SNTG2: variants seen among roughly 807,000 people sequenced by gnomAD.
SNTG2 encodes gamma-2-syntrophin.
In SNTG2, 74 loss-of-function variants were observed where a neutral mutation model predicts 70.9. The observed-to-expected ratio is 1.04, with a 90% CI of 0.86 to 1.27. The LOEUF (loss-of-function observed/expected upper bound fraction) is 1.27. Among genes scored for constraint, SNTG2 ranks in the 50% most tolerant of loss-of-function variants. The pLI is 0.00. For missense variants in SNTG2, 717 were observed against 690.7 expected (o/e 1.04, Z -0.43); for synonymous variants, 278 against 273.8 (o/e 1.02, Z -0.15).
intron 1 of SNTG2, among the ~76,000 whole-genome samples, chr2:1,047,021 T>C (rs4350782): frequency 0.15 from 22,315 of 152,192 alleles, 2,181 homozygotes; most frequent in African/African-American, 0.27. Context: ...TGTCTCTTTA[T>C]GTAGTCTCAT....
intron 14 of SNTG2, among the ~76,000 whole-genome samples, chr2:1,281,849 C>T (rs1012014452): frequency 2.0e-5 from 3 of 152,112 alleles, no homozygotes; most frequent in African/African-American, 4.8e-5. Context: ...GCACAAGCAC[C>T]CCACACATCT....
chr2:1,147,369 C>T (rs114332005), intron 6 of SNTG2, among the ~76,000 whole-genome samples: 1 of 152,104 alleles, frequency 6.6e-6, no homozygotes, highest in Non-Finnish European at 1.5e-5. Context: ...TGGGTGAGCA[C>T]CATCTCATCA....
In SNTG2 at chr2:1,149,470, C is replaced by T. The variant is rs867191764; in HGVS notation, c.411+11661C>T. Among the ~76,000 whole-genome samples, 5 of 152,188 alleles carry T rather than the reference C, an allele frequency of 3.3e-5. No individual in the cohort carries two copies. In the East Asian group the frequency reaches 9.7e-4, roughly 29 times the overall value. ...ATTAAAACTCTACTCAGGGTTTTGC[C>T]GCTTATTTTCGTCCATGAGCATATT... is the stretch of plus-strand genomic sequence containing the variant. On this transcript the variant is annotated intron_variant, in intron 6 of 16. Transcript: ENST00000308624.
intron 16 of SNTG2, 48 bp downstream of exon 16, chr2:1,316,423 G>C: frequency 1.0e-6 from 1 of 990,336 alleles, no homozygotes; most frequent in Non-Finnish European, 1.5e-6. Flanking sequence ...CACACATAAA[G>C]TACAGCTCAG....
At chr2:1,063,636 T>A (rs537448355) in intron 1 of SNTG2, among the ~76,000 whole-genome samples, 1 of 152,294 alleles carries the variant, frequency 6.6e-6, no homozygotes, top group South Asian at 2.1e-4. Flanking sequence ...GCAGAAAGGT[T>A]ATTAATGAAA....
chr2:1,339,856 C>G (rs946792513), intron 16 of SNTG2, among the ~76,000 whole-genome samples: 1 of 152,228 alleles, frequency 6.6e-6, no homozygotes, highest in Non-Finnish European at 1.5e-5. Context: ...GGGCAGCACC[C>G]CCTGTCCCTA....
intron 11 of SNTG2, among the ~76,000 whole-genome samples, chr2:1,242,153 T>G (rs1164030710): frequency 6.6e-6 from 1 of 152,170 alleles, no homozygotes; most frequent in Admixed American, 6.5e-5. Flanking sequence ...TGGAGGATGG[T>G]TTCACGTTTT....
chr2:1,303,835 T>A (rs1172153739), intron 14 of SNTG2, among the ~76,000 whole-genome samples: 1 of 152,228 alleles, frequency 6.6e-6, no homozygotes, highest in African/African-American at 2.4e-5. Flanking sequence ...AATGAATAAC[T>A]CTACACATAT....
chr2:982,222 T>A (rs1042937618), intron 1 of SNTG2, among the ~76,000 whole-genome samples: 2 of 152,114 alleles, frequency 1.3e-5, no homozygotes, highest in Non-Finnish European at 2.9e-5. Flanking sequence ...TTGAGTTTTA[T>A]TTTTTTTAAT....
At chr2:1,261,934 G>A (rs537027215) in intron 13 of SNTG2, among the ~76,000 whole-genome samples, 2 of 152,250 alleles carry the variant, frequency 1.3e-5, no homozygotes, top group East Asian at 3.9e-4. Context: ...TCTATTCCAC[G>A]TGCTAGAAGC....
chr2:1,085,121 C>G (rs925334916), intron 2 of SNTG2, among the ~76,000 whole-genome samples: 1 of 152,130 alleles, frequency 6.6e-6, no homozygotes, highest in African/African-American at 2.4e-5. Flanking sequence ...GCTTTTATGT[C>G]GTCTAATCAC....
chr2:1,059,387 G>A (rs939037692), intron 1 of SNTG2: 2 of 151,384 alleles, frequency 1.3e-5, no homozygotes, highest in African/African-American at 4.9e-5. Context: ...ATAATAATCA[G>A]TCAAGATATC....
chr2:1,059,856 C>T (rs1662698865), intron 1 of SNTG2, among the ~76,000 whole-genome samples: 1 of 152,064 alleles, frequency 6.6e-6, no homozygotes, highest in Admixed American at 6.5e-5. Context: ...ATTACTACAA[C>T]ATACCATAAA....
Position 1,069,497 on chromosome 2 carries a change from A to C in SNTG2, c.73-14021A>C, listed in dbSNP as rs531171153. ...ATATCCACTGAGGCTAGGAAAAAAA[A>C]AAAAACAAAAACAGGCTGGGCGCAG... is the stretch of plus-strand genomic sequence containing the variant. On this transcript the variant is annotated intron_variant, in intron 1 of 16. Coordinates refer to ENST00000308624, the MANE Select transcript of SNTG2 (RefSeq NM_018968.4). Among the ~76,000 whole-genome samples the C allele has an allele frequency of 2.2e-4, 34 of 151,968 alleles. 1 individual carries two copies. The highest frequency in any genetic ancestry group is 8.3e-4 in the South Asian group (4 of 4,818).
At chr2:1,360,771 T>C (rs1209473577) in intron 16 of SNTG2, among the ~76,000 whole-genome samples, 2 of 152,138 alleles carry the variant, frequency 1.3e-5, no homozygotes, top group Non-Finnish European at 2.9e-5. Flanking sequence ...AGCAAACCCT[T>C]CACTCAGGAA....
At chr2:1,256,398 G>A (rs1389373821) in intron 12 of SNTG2, 1 of 152,044 alleles carries the variant, frequency 6.6e-6, no homozygotes, top group Non-Finnish European at 1.5e-5. Context: ...TTTCACTTTT[G>A]TTGCAGCAAC....
intron 1 of SNTG2, among the ~76,000 whole-genome samples, chr2:1,062,732 A>G (rs1662902208): frequency 6.6e-6 from 1 of 152,212 alleles, no homozygotes; most frequent in African/African-American, 2.4e-5. Flanking sequence ...TTTGTGAGTT[A>G]TAGAGTACTT....
intron 1 of SNTG2, among the ~76,000 whole-genome samples, chr2:1,005,319 A>C (rs959895318): frequency 6.6e-6 from 1 of 151,852 alleles, no homozygotes; most frequent in Non-Finnish European, 1.5e-5. Flanking sequence ...GTAAACCATG[A>C]CTCTGGGTGA....
intron 2 of SNTG2, among the ~76,000 whole-genome samples, chr2:1,090,790 C>T (rs549198675): frequency 6.6e-6 from 1 of 152,270 alleles, no homozygotes; most frequent in African/African-American, 2.4e-5. Flanking sequence ...GGCGTTTTTC[C>T]CTCACCAGTT....
Sources: allele counts gnomAD v4.1 joint callset (sites outside exome capture counted in the v4.1 genomes callset), GRCh38; gene constraint gnomAD v4.1.1; transcripts MANE v1.5; gene names NCBI Gene and HGNC (gene_info 2026-07-23, HGNC 2026-07-21).